Variants in PCDH9 observed in about 807,000 individuals in gnomAD.
The protein encoded by PCDH9 is protocadherin 9.
PCDH9 carries 24 observed loss-of-function variants against 70.6 expected under a neutral mutation model. That is an observed-to-expected ratio of 0.34 (90% CI 0.25 to 0.48). The LOEUF is 0.48. Ranked by LOEUF, PCDH9 falls within the 20% of genes least tolerant of loss-of-function variation. PCDH9 has a pLI of 0.99. For missense variants in PCDH9, 1,281 were observed against 1,503.6 expected (o/e 0.85, Z 2.45); for synonymous variants, 562 against 558.5 (o/e 1.01, Z -0.09).
chr13:67,177,412 T>C (rs1007217554), intron 2 of PCDH9, among the ~76,000 whole-genome samples: 31 of 152,132 alleles, frequency 2.0e-4, no homozygotes, highest in Non-Finnish European at 4.0e-4. Flanking sequence ...TTTGCCACTT[T>C]GTTGAAATTT....
At chr13:66,630,206 AT>A (rs1433515285) in intron 4 of PCDH9, among the ~76,000 whole-genome samples, 1 of 152,040 alleles carries the variant, frequency 6.6e-6, no homozygotes, top group Non-Finnish European at 1.5e-5. Context: ...TACTATTTTT[AT>A]TATTTACTTC....
At position 66,303,257 on chromosome 13, in the gene PCDH9, T is replaced by C. The variant is rs1955401311; in HGVS notation, c.*1398A>G. The C allele has an allele frequency of 6.6e-6, 1 of 152,546 alleles. No individual in the cohort carries two copies. Among genetic ancestry groups the C allele is most frequent in the African/African-American group, 2.4e-5 (1 of 41,536 alleles). The allele number at this position is 152,546 out of a possible 1,614,324, so 9.4% of individuals were successfully genotyped here. On this transcript the variant is annotated 3_prime_UTR_variant, in exon 5 of 5. Transcript: ENST00000377865. Reference sequence around the variant, plus strand: ...TGCCTTAACAAAAACCTCCTAAGAATGTTCGAATTTGGATTTGTTTGCACG... The same window carrying C: ...TGCCTTAACAAAAACCTCCTAAGAACGTTCGAATTTGGATTTGTTTGCACG...
At chr13:67,189,317 T>C (rs967014877) in intron 2 of PCDH9, among the ~76,000 whole-genome samples, 2 of 152,026 alleles carry the variant, frequency 1.3e-5, no homozygotes, top group Non-Finnish European at 2.9e-5. Context: ...ACTTTCAAGA[T>C]TTTTTATTCT....
chr13:66,337,295 T>G (rs1956052900), intron 4 of PCDH9, among the ~76,000 whole-genome samples: 1 of 152,068 alleles, frequency 6.6e-6, no homozygotes. Context: ...AAGATTGCCC[T>G]GAAAATTATT....
chr13:67,186,783 T>C (rs1368038196), intron 2 of PCDH9, among the ~76,000 whole-genome samples: 1 of 152,208 alleles, frequency 6.6e-6, no homozygotes, highest in Non-Finnish European at 1.5e-5. Context: ...TTTTAACATA[T>C]TGTTCTGCTA....
chr13:66,305,830 T>A (rs1955455351), intron 4 of PCDH9, among the ~76,000 whole-genome samples: 1 of 152,096 alleles, frequency 6.6e-6, no homozygotes. Flanking sequence ...GGGAAGAAAG[T>A]GATCATAGAA....
chr13:66,597,841 G>A (rs1371689860), intron 4 of PCDH9, among the ~76,000 whole-genome samples: 1 of 151,520 alleles, frequency 6.6e-6, no homozygotes, highest in Non-Finnish European at 1.5e-5. Context: ...TCTGATAAGA[G>A]ATTGAAATCC....
chr13:66,695,707 T>A (rs1462302700), intron 3 of PCDH9, among the ~76,000 whole-genome samples: 1 of 152,176 alleles, frequency 6.6e-6, no homozygotes, highest in Non-Finnish European at 1.5e-5. Flanking sequence ...TTTAACATTT[T>A]AGCTCTATAA....
chr13:67,146,871 T>C (rs2087535677), intron 2 of PCDH9, among the ~76,000 whole-genome samples: 1 of 152,204 alleles, frequency 6.6e-6, no homozygotes, highest in African/African-American at 2.4e-5. Context: ...AAGTAAATAT[T>C]GAAGTTTTCT....
chr13:66,868,689 G>T (rs2081617743), intron 3 of PCDH9, among the ~76,000 whole-genome samples: 2 of 152,054 alleles, frequency 1.3e-5, no homozygotes, highest in Admixed American at 1.3e-4. Context: ...TAAATTTGCA[G>T]TAAAGTACAA....
At chr13:66,738,276 A>C (rs1010775385) in intron 3 of PCDH9, among the ~76,000 whole-genome samples, 2 of 151,460 alleles carry the variant, frequency 1.3e-5, no homozygotes, top group African/African-American at 4.8e-5. Context: ...CCTGCAGCTG[A>C]GGGTGCTGTC....
intron 4 of PCDH9, among the ~76,000 whole-genome samples, chr13:66,335,450 GAACAAACAAAAAATGCT>G (rs1956021290): frequency 6.6e-6 from 1 of 151,992 alleles, no homozygotes; most frequent in Non-Finnish European, 1.5e-5. Context: ...CGAATTAAAT[GAACAAACAAAAAATGCT>G]AACATTTTTG....
At chr13:66,775,410 T>C (rs1433709596) in intron 3 of PCDH9, among the ~76,000 whole-genome samples, 1 of 152,154 alleles carries the variant, frequency 6.6e-6, no homozygotes, top group Non-Finnish European at 1.5e-5. Context: ...AGAGTGACCC[T>C]GGATTCAAGG....
intron 4 of PCDH9, among the ~76,000 whole-genome samples, chr13:66,568,383 A>G (rs1330911147): frequency 6.6e-6 from 1 of 151,412 alleles, no homozygotes; most frequent in African/African-American, 2.4e-5. Flanking sequence ...ATAAGGCACA[A>G]TTAAGACATG....
At chr13:67,188,755 C>T (rs1161776852) in intron 2 of PCDH9, among the ~76,000 whole-genome samples, 1 of 151,886 alleles carries the variant, frequency 6.6e-6, no homozygotes, top group South Asian at 2.1e-4. Flanking sequence ...CTGAAAGTTC[C>T]TTTTTATAAG....
intron 4 of PCDH9, among the ~76,000 whole-genome samples, chr13:66,600,490 T>C (rs1464292193): frequency 1.3e-5 from 2 of 151,924 alleles, no homozygotes; most frequent in African/African-American, 2.4e-5. Flanking sequence ...AAACTAAAAG[T>C]ACATCAAGCA....
intron 4 of PCDH9, among the ~76,000 whole-genome samples, chr13:66,610,759 A>G (rs1302314481): frequency 6.6e-6 from 1 of 152,154 alleles, no homozygotes; most frequent in Non-Finnish European, 1.5e-5. Context: ...CATGTTACGT[A>G]AAAATATTTT....
intron 2 of PCDH9, among the ~76,000 whole-genome samples, chr13:67,006,861 C>T (rs1244456237): frequency 6.6e-6 from 1 of 151,986 alleles, no homozygotes; most frequent in African/African-American, 2.4e-5. Context: ...AATTTCATAA[C>T]TTATTTATAC....
chr13:67,108,980 T>C (rs1425846825), intron 2 of PCDH9, among the ~76,000 whole-genome samples: 1 of 152,208 alleles, frequency 6.6e-6, no homozygotes, highest in African/African-American at 2.4e-5. Flanking sequence ...CAGTCAATTT[T>C]AGTCAAAATC....
Sources: allele counts gnomAD v4.1 joint callset (sites outside exome capture counted in the v4.1 genomes callset), GRCh38; gene constraint gnomAD v4.1.1; transcripts MANE v1.5; gene names NCBI Gene and HGNC (gene_info 2026-07-23, HGNC 2026-07-21).